The following HAS3 variants were observed in gnomAD, a reference collection of about 807,000 sequenced individuals.
HAS3 encodes HA synthase 3.
A neutral mutation model predicts 50.3 loss-of-function variants in HAS3; 27 were observed. That is an observed-to-expected ratio of 0.54 (90% confidence interval 0.40 to 0.74). HAS3 has a LOEUF of 0.74. Ranked by LOEUF, HAS3 falls within the 30% of genes least tolerant of loss-of-function variation. HAS3 has a pLI of 0.00. For synonymous variants in HAS3, 339 were observed against 310.9 expected (o/e 1.09, Z -0.95); for missense variants, 517 against 742.8 (o/e 0.70, Z 3.53).
At chr16:69,112,464 T>C (rs1021850752) in intron 2 of HAS3, among the ~76,000 whole-genome samples, 1 of 152,150 alleles carries the variant, frequency 6.6e-6, no homozygotes, top group Non-Finnish European at 1.5e-5. Flanking sequence ...GAAAGCTGGG[T>C]GGGGTTGTGG....
chr16:69,086,411 A>T, the HAS3 span, among the ~76,000 whole-genome samples: 2 of 151,932 alleles, frequency 1.3e-5, no homozygotes, highest in Non-Finnish European at 2.9e-5. Flanking sequence ...CAGTCCTCCC[A>T]CATTAGCCTT....
At chr16:69,118,495 T>C (rs1328277943), downstream of HAS3, 1 of 1,277,636 alleles carries the variant, frequency 7.8e-7, no homozygotes, top group Non-Finnish European at 1.1e-6. Flanking sequence ...GGGGACTACA[T>C]GTGAACTGGG....
chr16:69,100,727 G>GAT (rs1960688891), upstream of HAS3, among the ~76,000 whole-genome samples: 1 of 152,160 alleles, frequency 6.6e-6, no homozygotes, highest in Non-Finnish European at 1.5e-5. Flanking sequence ...ACGGGTGCAG[G>GAT]ATATTTGAGC....
At chr16:69,118,595 A>C, downstream of HAS3, 2 of 722,126 alleles carry the variant, frequency 2.8e-6, no homozygotes, top group South Asian at 1.5e-5. Flanking sequence ...TGTGGGACGA[A>C]AGCACAGCAG....
At chr16:69,090,786 T>C in the HAS3 span, among the ~76,000 whole-genome samples, 2 of 152,202 alleles carry the variant, frequency 1.3e-5, no homozygotes, top group Non-Finnish European at 2.9e-5. Context: ...TTGCCCAGTC[T>C]GGTCTCAAAC....
At chr16:69,086,671 G>A in the HAS3 span, among the ~76,000 whole-genome samples, 22 of 152,174 alleles carry the variant, frequency 1.4e-4, no homozygotes, top group East Asian at 1.7e-3. Flanking sequence ...TTGGGAGGCC[G>A]AAGTGGGCAG....
chr16:69,107,443 G>T lies in HAS3; in HGVS notation c.-1+1656G>T. ...CCGACTGGGATCCCTTGGGTTTTCC[G>T]TTCCTTCCCGGTTGGGTCGTGGGAA... On this transcript the variant is annotated intron_variant, in intron 1 of 3. Coordinates refer to ENST00000569188, the MANE Select transcript of HAS3 (RefSeq NM_001199280.2). The surrounding 1 kb of genome is among the most constrained non-coding windows in gnomAD (Gnocchi z 5.5). The T allele has an allele frequency of 1.0e-6, 1 of 985,628 alleles. No individual in the cohort carries two copies. Among genetic ancestry groups the T allele is most frequent in the Non-Finnish European group, 1.2e-6 (1 of 830,058 alleles). The allele number at this position is 985,628 out of a possible 1,614,324, so 61.1% of individuals were successfully genotyped here.
chr16:69,099,618 GC>G, the HAS3 span, among the ~76,000 whole-genome samples: 1 of 152,136 alleles, frequency 6.6e-6, no homozygotes, highest in Non-Finnish European at 1.5e-5. Flanking sequence ...GAGCCACCGC[GC>G]CCAGCCTAAT....
chr16:69,110,804 C>G (rs1960975538), intron 2 of HAS3, among the ~76,000 whole-genome samples: 1 of 152,200 alleles, frequency 6.6e-6, no homozygotes, highest in Admixed American at 6.5e-5. Flanking sequence ...GGGGCTGAAC[C>G]TCTTCATAAG....
the HAS3 span, among the ~76,000 whole-genome samples, chr16:69,087,974 G>A: frequency 6.6e-6 from 1 of 151,956 alleles, no homozygotes; most frequent in Non-Finnish European, 1.5e-5. Context: ...AAAGTGCTGG[G>A]ATTACAGGCA....
chr16:69,111,621 T>C (rs1275773254), intron 2 of HAS3, among the ~76,000 whole-genome samples: 2 of 152,162 alleles, frequency 1.3e-5, no homozygotes, highest in African/African-American at 2.4e-5. Context: ...TTTTTGACAG[T>C]TGTCTCTGCA....
At position 69,105,784 on chromosome 16, in the gene HAS3, C is replaced by A. The variant is rs1455046487; in HGVS notation, c.-4C>A. On this transcript the variant is annotated 5_prime_UTR_variant, in exon 1 of 4. Coordinates refer to ENST00000569188, the MANE Select transcript of HAS3 (RefSeq NM_001199280.2). ...GAGTGCTCTCAGCTCGCCTTCCTTG[C>A]AGGGTGAGTAGGTTTTGCGGGTTAG... 1 of 152,218 alleles carries A rather than the reference C, an allele frequency of 6.6e-6. No individual in the cohort carries two copies. The highest frequency in any genetic ancestry group is 1.9e-4 in the East Asian group (1 of 5,188). 9.4% of individuals were successfully genotyped at this position (152,218 alleles called of 1,614,324 possible). A position where few individuals can be genotyped will look rare whatever the true frequency, so the allele number is the denominator to read the frequency against.
In HAS3 at chr16:69,114,714, GT is replaced by G; in HGVS notation, c.1111del (p.Trp371GlyfsTer9). On this transcript the variant is annotated frameshift_variant, in exon 4 of 4. Coordinates refer to ENST00000569188, the MANE Select transcript of HAS3 (RefSeq NM_001199280.2). LOFTEE classifies it high-confidence loss of function. This position sits in a 1 kb window ranked among gnomAD's most constrained non-coding sequence, Gnocchi z 6.4. ...YFREWLYNSL[W>X]FHKHHLWMTY... ...TCCGGGAGTGGCTCTACAACTCTCT[GT>G]GGTTCCATAAGCACCACCTCTGGAT... is the stretch of plus-strand genomic sequence containing the variant. 6.2e-7 allele frequency: 1 copy of G among 1,614,144 alleles called. No individual in the cohort carries two copies.
intron 3 of HAS3, 34 bp downstream of exon 3, chr16:69,113,576 G>GTC: frequency 7.9e-7 from 1 of 1,271,092 alleles, no homozygotes; most frequent in Non-Finnish European, 1.1e-6. Context: ...GTGGGGAGGG[G>GTC]TCTGGACTCT....
At chr16:69,090,359 C>CG in the HAS3 span, among the ~76,000 whole-genome samples, 483 of 152,270 alleles carry the variant, frequency 3.2e-3, 3 homozygotes, top group African/African-American at 0.011. Flanking sequence ...TCAGATGATA[C>CG]GTGATGTGAC....
At chr16:69,087,317 C>A in the HAS3 span, among the ~76,000 whole-genome samples, 1 of 152,234 alleles carries the variant, frequency 6.6e-6, no homozygotes, top group Non-Finnish European at 1.5e-5. Context: ...TACAGCCAAA[C>A]CCCAGGCTTC....
Position 69,114,319 on chromosome 16 carries a change from C to T in HAS3, c.739-24C>T, listed in dbSNP as rs765106125. 1.9e-6 allele frequency: 3 copies of T among 1,565,384 alleles called. No homozygotes were observed. The highest frequency in any genetic ancestry group is 2.6e-6 in the Non-Finnish European group (3 of 1,159,978). On this transcript the variant is annotated intron_variant, in intron 3 of 3. Coordinates refer to ENST00000569188, the MANE Select transcript of HAS3 (RefSeq NM_001199280.2). The surrounding 1 kb of genome is among the most constrained non-coding windows in gnomAD (Gnocchi z 6.4). ...CCTCCGGACGTGCAACCTTAGGAGG[C>T]CCAGCATCTCTATTCCCTTGCAGAT...
At position 69,107,257 on chromosome 16, in the gene HAS3, C is replaced by G. The variant is rs1229197166; in HGVS notation, c.-1+1470C>G. On this transcript the variant is annotated intron_variant, in intron 1 of 3. Transcript: ENST00000569188. The surrounding 1 kb of genome is among the most constrained non-coding windows in gnomAD (Gnocchi z 5.5). ...TGGCTGAGGGACATTTTGGGGGCCTCTATTTGGGGGTGGGGGTAGTAACCT... is the reference window on the plus strand; with the variant it reads ...TGGCTGAGGGACATTTTGGGGGCCTGTATTTGGGGGTGGGGGTAGTAACCT... 1 of 865,492 alleles carries G rather than the reference C, an allele frequency of 1.2e-6. No homozygotes were observed. The highest frequency in any genetic ancestry group is 1.9e-5 in the African/African-American group (1 of 51,390). 53.6% of individuals were successfully genotyped at this position (865,492 alleles called of 1,614,324 possible). A position where few individuals can be genotyped will look rare whatever the true frequency, so the allele number is the denominator to read the frequency against.
At position 69,113,523 on chromosome 16, in the gene HAS3, G is replaced by A; in HGVS notation, c.719G>A (p.Gly240Glu). ...CTGGAGGAGGATCCCCAAGTAGGGG[G>A]AGTCGGGGGAGATGTCCAGGTAAGA... The part of the protein sequence containing the change: ...RVLEEDPQVG[G>E]VGGDVQILNK... The change falls in exon 3 of 4, where the codon GGA becomes GAA. Residue 240 changes from glycine (G) to glutamate (E), a missense_variant. Transcript: ENST00000569188. 6.2e-7 allele frequency: 1 copy of A among 1,607,376 alleles called. No homozygotes were observed. The highest frequency in any genetic ancestry group is 8.5e-7 in the Non-Finnish European group (1 of 1,174,250).
Sources: gnomAD v4.1 joint callset for allele counts (sites outside exome capture counted in the v4.1 genomes callset) on GRCh38, gnomAD v4.1.1 for gene constraint, Gnocchi (gnomAD v3.1) non-coding constraint, MANE v1.5 for transcripts, NCBI Gene and HGNC (gene_info 2026-07-23, HGNC 2026-07-21) for gene names.